The following TCF20 variants were observed in gnomAD, a reference collection of about 807,000 sequenced individuals.
The protein encoded by TCF20 is transcription factor 20, also known as SPRE-binding protein.
TCF20 carries 3 observed loss-of-function variants against 148.6 expected under a neutral mutation model. That is an observed-to-expected ratio of 0.02 (90% CI 0.01 to 0.05). TCF20 has a LOEUF of 0.05. Ranked by LOEUF, TCF20 falls within the 10% of genes least tolerant of loss-of-function variation. The pLI is 1.00. For missense variants in TCF20, 2,350 were observed against 2,429.3 expected (o/e 0.97, Z 0.69); for synonymous variants, 1,049 against 909.5 (o/e 1.15, Z -2.76).
chr22:42,293,681 G>A (rs1569202748), intron 1 of TCF20, among the ~76,000 whole-genome samples: 1 of 152,266 alleles, frequency 6.6e-6, no homozygotes, highest in Non-Finnish European at 1.5e-5. Context: ...GAGGCAAGAG[G>A]CTTAGCCCCC....
chr22:42,189,835 C>A (rs138617367), intron 2 of TCF20, among the ~76,000 whole-genome samples: 1 of 152,110 alleles, frequency 6.6e-6, no homozygotes, highest in Non-Finnish European at 1.5e-5. Context: ...TCAGATATTC[C>A]TTATCAGAAA....
intron 1 of TCF20, among the ~76,000 whole-genome samples, chr22:42,281,550 T>G (rs927251996): frequency 5.3e-5 from 8 of 152,192 alleles, no homozygotes; most frequent in African/African-American, 1.9e-4. Flanking sequence ...TGCACTTCCC[T>G]CTGATGGTAC....
chr22:42,164,482 C>CA (rs1440665787), intron 5 of TCF20, among the ~76,000 whole-genome samples: 1 of 152,030 alleles, frequency 6.6e-6, no homozygotes, highest in Non-Finnish European at 1.5e-5. Flanking sequence ...GCCCGCCTCC[C>CA]AAAGTGCTGG....
upstream of TCF20, among the ~76,000 whole-genome samples, chr22:42,272,148 G>A (rs922361580): frequency 2.6e-4 from 40 of 152,348 alleles, no homozygotes; most frequent in Non-Finnish European, 4.3e-4. Flanking sequence ...CTCTTCCGGG[G>A]CAGAGCTGAA....
chr22:42,206,752 TG>T (rs1324695904), intron 2 of TCF20, among the ~76,000 whole-genome samples: 13 of 152,218 alleles, frequency 8.5e-5, no homozygotes, highest in Admixed American at 8.5e-4. Context: ...CTTGCATGAC[TG>T]AATTAAAATG....
upstream of TCF20, among the ~76,000 whole-genome samples, chr22:42,272,115 C>T (rs1425436944): frequency 6.6e-6 from 1 of 152,214 alleles, no homozygotes; most frequent in Admixed American, 6.5e-5. Context: ...GACTTGATTC[C>T]CCAACACCTC....
rs1383390021 is a variant in TCF20, at chr22:42,338,102, C to G, written c.-37+5377G>C. On this transcript the variant is annotated intron_variant, in intron 1 of 1. Transcript: ENST00000515426. The surrounding 1 kb of genome is among the most constrained non-coding windows in gnomAD (Gnocchi z 4.0). ...GCATGCGTCCCAGGAAGAAAACCCT[C>G]TGGGCCCAGGTCCTACTCTGTACAC... 1.3e-5 allele frequency among the ~76,000 whole-genome samples: 2 copies of G among 152,222 alleles called. No individual in the cohort carries two copies. The highest frequency in any genetic ancestry group is 4.8e-5 in the African/African-American group (2 of 41,470).
intron 2 of TCF20, among the ~76,000 whole-genome samples, 179 bp from the exon 3 acceptor site, chr22:42,179,881 G>C (rs1175880100): frequency 6.6e-6 from 1 of 152,152 alleles, no homozygotes; most frequent in Non-Finnish European, 1.5e-5. Context: ...CATGGGAAGG[G>C]ATCCAGCAAT....
At chr22:42,247,369 G>A (rs1452840182) in intron 1 of TCF20, among the ~76,000 whole-genome samples, 1 of 151,238 alleles carries the variant, frequency 6.6e-6, no homozygotes, top group African/African-American at 2.4e-5. Context: ...GAACCCGGGA[G>A]GCGGAGCTTG....
At chr22:42,282,567 G>T (rs1332119125) in intron 1 of TCF20, among the ~76,000 whole-genome samples, 1 of 152,226 alleles carries the variant, frequency 6.6e-6, no homozygotes, top group African/African-American at 2.4e-5. Context: ...CCCAGCCTCG[G>T]TCCCAGGTTC....
intron 1 of TCF20, among the ~76,000 whole-genome samples, chr22:42,252,138 T>A (rs1465639128): frequency 1.3e-5 from 2 of 151,094 alleles, no homozygotes; most frequent in Non-Finnish European, 3.0e-5. Flanking sequence ...TACAAAAAAA[T>A]TAGCCGGGTG....
At chr22:42,260,035 G>T (rs1220026525) in intron 1 of TCF20, among the ~76,000 whole-genome samples, 1 of 152,170 alleles carries the variant, frequency 6.6e-6, no homozygotes, top group East Asian at 1.9e-4. Context: ...ACAAGGCAGG[G>T]TGATGTAATG....
intron 1 of TCF20, among the ~76,000 whole-genome samples, chr22:42,327,481 AC>A (rs1927895406): frequency 6.6e-6 from 1 of 152,036 alleles, no homozygotes; most frequent in Admixed American, 6.6e-5. Flanking sequence ...GTGAGTGGGA[AC>A]CCCAGGAAAT....
intron 1 of TCF20, among the ~76,000 whole-genome samples, chr22:42,252,887 T>C (rs1480612437): frequency 2.0e-5 from 3 of 152,144 alleles, no homozygotes; most frequent in Non-Finnish European, 4.4e-5. Context: ...AGAATAAAAA[T>C]ACTGTTATAG....
chr22:42,329,149 C>G (rs1927926185), intron 1 of TCF20, among the ~76,000 whole-genome samples: 1 of 152,218 alleles, frequency 6.6e-6, no homozygotes, highest in African/African-American at 2.4e-5. Context: ...CATTCTCTTC[C>G]AGGGCCAGCA....
At chr22:42,175,396 A>G (rs887991936) in intron 3 of TCF20, among the ~76,000 whole-genome samples, 5 of 152,050 alleles carry the variant, frequency 3.3e-5, no homozygotes, top group Non-Finnish European at 5.9e-5. Flanking sequence ...GCTGGAGTGC[A>G]GTGGCGTGAT....
At chr22:42,187,849 ACAC>A (rs1385757243) in intron 2 of TCF20, among the ~76,000 whole-genome samples, 3 of 152,230 alleles carry the variant, frequency 2.0e-5, no homozygotes, top group African/African-American at 7.2e-5. Context: ...TTCAGAATAC[ACAC>A]AGCTTTATAC....
At chr22:42,198,134 C>CA (rs1160910991) in intron 2 of TCF20, among the ~76,000 whole-genome samples, 6 of 152,164 alleles carry the variant, frequency 3.9e-5, no homozygotes, top group Non-Finnish European at 8.8e-5. Context: ...ACATTATACT[C>CA]ACGCTAAACT....
chr22:42,296,680 A>C (rs1248343518), intron 1 of TCF20, among the ~76,000 whole-genome samples: 1 of 152,128 alleles, frequency 6.6e-6, no homozygotes, highest in Non-Finnish European at 1.5e-5. Context: ...ACCCCCAAAC[A>C]GGGCTCCAGC....
Sources: allele counts gnomAD v4.1 joint callset (sites outside exome capture counted in the v4.1 genomes callset), GRCh38; gene constraint gnomAD v4.1.1; non-coding constraint Gnocchi (gnomAD v3.1); transcripts MANE v1.5; gene names NCBI Gene and HGNC (gene_info 2026-07-23, HGNC 2026-07-21).